The following SLC35F3 variants were observed in gnomAD, a reference collection of about 807,000 sequenced individuals.
The protein encoded by SLC35F3 is putative thiamine transporter SLC35F3.
Under a neutral mutation model 49.9 loss-of-function variants are expected in SLC35F3, and 25 were observed. The observed-to-expected ratio is 0.50, with a 90% CI of 0.37 to 0.70. SLC35F3 has a LOEUF of 0.70. Ranked by LOEUF, SLC35F3 falls within the 30% of genes least tolerant of loss-of-function variation. SLC35F3 has a pLI of 0.00. For missense variants in SLC35F3, 525 were observed against 639.8 expected (o/e 0.82, Z 1.94); for synonymous variants, 275 against 265.4 (o/e 1.04, Z -0.35).
intron 2 of SLC35F3, among the ~76,000 whole-genome samples, chr1:234,206,043 T>C (rs559811663): frequency 2.0e-5 from 3 of 152,036 alleles, no homozygotes; most frequent in African/African-American, 7.2e-5. Flanking sequence ...GAGGATGTTA[T>C]AGGGATGAGG....
At chr1:234,136,246 C>CTCTTTTTCTG (rs1220566832) in intron 2 of SLC35F3, among the ~76,000 whole-genome samples, 1 of 129,716 alleles carries the variant, frequency 7.7e-6, no homozygotes, top group East Asian at 4.3e-4. Flanking sequence ...TCCTCTCTTT[C>CTCTTTTTCTG]TCTTTCTTTT....
At chr1:233,980,931 C>T (rs1663172296) in intron 2 of SLC35F3, among the ~76,000 whole-genome samples, 1 of 152,044 alleles carries the variant, frequency 6.6e-6, no homozygotes, top group Non-Finnish European at 1.5e-5. Context: ...ATATTATTTC[C>T]CTCATTTTGA....
intron 2 of SLC35F3, among the ~76,000 whole-genome samples, chr1:234,066,828 TCCCACACACACACACA>T (rs1432980348): frequency 1.1e-4 from 11 of 99,050 alleles, no homozygotes; most frequent in African/African-American, 4.9e-4. Context: ...TCCCTCTCTC[TCCCACACACACACACA>T]CACACACACA....
chr1:233,949,627 G>A (rs898903131), intron 2 of SLC35F3, among the ~76,000 whole-genome samples: 4 of 152,176 alleles, frequency 2.6e-5, no homozygotes, highest in Non-Finnish European at 4.4e-5. Context: ...CTTGAGAAGC[G>A]TGCCGTCCAG....
chr1:234,128,663 A>T (rs911467234), intron 2 of SLC35F3, among the ~76,000 whole-genome samples: 1 of 152,212 alleles, frequency 6.6e-6, no homozygotes, highest in Non-Finnish European at 1.5e-5. Flanking sequence ...CCAAGGAAAG[A>T]GCTTAAGAAA....
At chr1:234,140,319 C>T (rs985537347) in intron 2 of SLC35F3, among the ~76,000 whole-genome samples, 12 of 152,020 alleles carry the variant, frequency 7.9e-5, no homozygotes, top group Non-Finnish European at 1.6e-4. Context: ...GAGTACAGTA[C>T]AATTAGATAT....
At chr1:234,241,106 CTTTCT>C (rs371837307) in intron 3 of SLC35F3, among the ~76,000 whole-genome samples, 68 of 152,278 alleles carry the variant, frequency 4.5e-4, no homozygotes, top group African/African-American at 1.5e-3. Flanking sequence ...TGTTTCTTTT[CTTTCT>C]TTTCTTTTCT....
rs1213496210 is a variant in SLC35F3 at position 234,177,169 on chromosome 1, G to GCT, written c.284-54241_284-54240dup. Reference sequence around the variant, plus strand: ...AAAATGGGAGTTTCCCTGCACAAGTGCTCTCTCTTTGCCTGCTGCCATCCA... The same window carrying GCT: ...AAAATGGGAGTTTCCCTGCACAAGTGCTCTCTCTCTTTGCCTGCTGCCATCCA... On this transcript the variant is annotated intron_variant, in intron 2 of 7. Coordinates refer to ENST00000366618, the MANE Select transcript of SLC35F3 (RefSeq NM_173508.4). Among the ~76,000 whole-genome samples the GCT allele has an allele frequency of 5.3e-5, 8 of 152,254 alleles. No homozygotes were observed. In the South Asian group the frequency reaches 1.5e-3, roughly 28 times the overall value.
chr1:234,172,164 C>T (rs1037553869), intron 2 of SLC35F3, among the ~76,000 whole-genome samples: 10 of 152,226 alleles, frequency 6.6e-5, no homozygotes, highest in Admixed American at 2.0e-4. Context: ...TAGCTAGTCC[C>T]TAAGCTGAAA....
chr1:234,153,545 G>A lies in SLC35F3; in HGVS notation c.284-77872G>A, dbSNP rs974584109. 2.1e-4 allele frequency among the ~76,000 whole-genome samples: 32 copies of A among 152,180 alleles called. 1 individual carries two copies. Among genetic ancestry groups the A allele is most frequent in the African/African-American group, 7.5e-4 (31 of 41,446 alleles). On this transcript the variant is annotated intron_variant, in intron 2 of 7. Transcript: ENST00000366618. ...GTTATCATGTAGGTGGTAGTATTAG[G>A]GGTGTTATTCAGAGGCTGTTGAGTA...
chr1:234,083,367 A>C (rs952916468), intron 2 of SLC35F3, among the ~76,000 whole-genome samples: 1 of 152,062 alleles, frequency 6.6e-6, no homozygotes, highest in African/African-American at 2.4e-5. Flanking sequence ...GCGCTACTTC[A>C]TGCTTCTTAG....
chr1:234,132,824 TTATAAAGA>T (rs2102899090), intron 2 of SLC35F3, among the ~76,000 whole-genome samples: 1 of 152,338 alleles, frequency 6.6e-6, no homozygotes, highest in East Asian at 1.9e-4. Context: ...GGTGTTGTAT[TTATAAAGA>T]GCCTTCCCAC....
At chr1:234,015,286 T>A (rs1005139797) in intron 2 of SLC35F3, among the ~76,000 whole-genome samples, 2 of 151,000 alleles carry the variant, frequency 1.3e-5, no homozygotes, top group African/African-American at 4.9e-5. Context: ...AGGCGGAGTT[T>A]GCAGTGAGCC....
chr1:234,284,667 G>A (rs1314508198), intron 3 of SLC35F3, among the ~76,000 whole-genome samples: 1 of 152,206 alleles, frequency 6.6e-6, no homozygotes, highest in African/African-American at 2.4e-5. Context: ...AGGGGTTACT[G>A]AAAGTCCAGA....
chr1:233,917,168 A>AG (rs1323050425), intron 2 of SLC35F3, among the ~76,000 whole-genome samples: 1 of 152,148 alleles, frequency 6.6e-6, no homozygotes, highest in Non-Finnish European at 1.5e-5. Flanking sequence ...TTTGTCTTGG[A>AG]GCCCTCTCAC....
chr1:234,066,655 C>A (rs1572038734), intron 2 of SLC35F3, among the ~76,000 whole-genome samples: 1 of 152,086 alleles, frequency 6.6e-6, no homozygotes, highest in East Asian at 1.9e-4. Context: ...CCCTGCCCTA[C>A]TTCTCAAATA....
In SLC35F3 at chr1:234,254,325, A is replaced by T. The variant is rs191142413; in HGVS notation, c.608+22584A>T. Among the ~76,000 whole-genome samples the T allele has an allele frequency of 4.6e-5, 7 of 152,288 alleles. No homozygotes were observed. In the East Asian group the frequency reaches 1.4e-3, roughly 29 times the overall value. On this transcript the variant is annotated intron_variant, in intron 3 of 7. Transcript: ENST00000366618. Reference sequence around the variant, plus strand: ...GCCTCAAGCAGTTACATCAGACCTAACAAGTCAACCAAGAAGGCTCCCACC... The same window carrying T: ...GCCTCAAGCAGTTACATCAGACCTATCAAGTCAACCAAGAAGGCTCCCACC...
chr1:234,158,912 C>T (rs1201938576), intron 2 of SLC35F3, among the ~76,000 whole-genome samples: 1 of 151,996 alleles, frequency 6.6e-6, no homozygotes, highest in Non-Finnish European at 1.5e-5. Flanking sequence ...AACTAATGAA[C>T]AAAGGAGATT....
intron 2 of SLC35F3, among the ~76,000 whole-genome samples, chr1:234,095,439 C>A (rs1315670290): frequency 6.6e-6 from 1 of 151,622 alleles, no homozygotes; most frequent in African/African-American, 2.4e-5. Context: ...TGAAAGGGAA[C>A]CAGCACATGC....
Sources: gnomAD v4.1 joint callset for allele counts (sites outside exome capture counted in the v4.1 genomes callset) on GRCh38, gnomAD v4.1.1 for gene constraint, MANE v1.5 for transcripts, NCBI Gene and HGNC (gene_info 2026-07-23, HGNC 2026-07-21) for gene names.